The following ALMS1 variants were observed in gnomAD, a reference collection of about 807,000 sequenced individuals.
ALMS1 encodes ALMS1 centrosome and basal body associated protein.
In ALMS1, 271 loss-of-function variants were observed where a neutral mutation model predicts 352.2. The ratio of observed to expected loss-of-function variants is 0.77; its 90% CI spans 0.70 to 0.85. ALMS1 has a LOEUF of 0.85. Among genes scored for constraint, ALMS1 ranks in the 40% least tolerant of loss-of-function variants. The pLI is 0.00. For missense variants in ALMS1, 5,445 were observed against 4,870.7 expected (o/e 1.12, Z -3.51); for synonymous variants, 1,865 against 1,761.2 (o/e 1.06, Z -1.48).
chr2:73,580,856 G>A (rs1211039992), intron 16 of ALMS1, among the ~76,000 whole-genome samples: 1 of 152,192 alleles, frequency 6.6e-6, no homozygotes, highest in Non-Finnish European at 1.5e-5. Context: ...CTACTTGTTT[G>A]ATAGAGATTT....
At chr2:73,430,944 CT>C (rs1169771937) in intron 6 of ALMS1, among the ~76,000 whole-genome samples, 1 of 151,840 alleles carries the variant, frequency 6.6e-6, no homozygotes, top group African/African-American at 2.4e-5. Context: ...TATATATAGC[CT>C]GTACTTCAGA....
chr2:73,456,640 GATATAGTTTATTTGGATTATCTCA>G (rs1230734135), intron 9 of ALMS1: 1 of 152,124 alleles, frequency 6.6e-6, no homozygotes, highest in Non-Finnish European at 1.5e-5. Context: ...ATTCTCCAGT[GATATAGTTTATTTGGATTATCTCA>G]ATTTTGGAAA....
intron 9 of ALMS1, chr2:73,471,089 A>G (rs1672456234): frequency 6.6e-6 from 1 of 151,828 alleles, no homozygotes; most frequent in Non-Finnish European, 1.5e-5. Context: ...CTCCATTTAC[A>G]TTAAAGTAAT....
intron 9 of ALMS1, among the ~76,000 whole-genome samples, chr2:73,460,470 G>A (rs1206045240): frequency 6.6e-6 from 1 of 152,158 alleles, no homozygotes; most frequent in Non-Finnish European, 1.5e-5. Context: ...GAGCCAAGAT[G>A]GCCAAATAGG....
At chr2:73,531,376 T>C (rs1432753625) in intron 11 of ALMS1, among the ~76,000 whole-genome samples, 1 of 152,244 alleles carries the variant, frequency 6.6e-6, no homozygotes, top group Admixed American at 6.5e-5. Context: ...GCTGCCAGTC[T>C]CTTTGCTAAT....
chr2:73,607,802 C>T (rs1051934652), intron 21 of ALMS1, among the ~76,000 whole-genome samples: 11 of 151,154 alleles, frequency 7.3e-5, no homozygotes, highest in Admixed American at 3.3e-4. Flanking sequence ...TGCCACCATG[C>T]CCACCTAATT....
intron 3 of ALMS1, among the ~76,000 whole-genome samples, chr2:73,422,323 G>A (rs1312054570): frequency 2.0e-5 from 3 of 151,928 alleles, no homozygotes. Context: ...TGAGAGAATG[G>A]GAGTGAATAA....
Position 73,424,726 on chromosome 2 carries a change from C to T in ALMS1, c.1061C>T (p.Thr354Ile), listed in dbSNP as rs370726988. The T allele has an allele frequency of 1.2e-5, 19 of 1,613,920 alleles. No homozygotes were observed. In the African/African-American group the frequency reaches 2.4e-4, roughly 20 times the overall value. ...ATGTCATGGAAGACACGAAAAGATA[C>T]ACAGTGGCCTGAAAACAATTTAGCT... ...SYMSWKTRKD[T>I]QWPENNLADK... The change falls in exon 5 of 23, where the codon ACA (threonine) becomes ATA (isoleucine). Residue 354 changes from threonine to isoleucine, a missense_variant. Physicochemically the swap from Thr to Ile is moderately conservative, Grantham distance 89. Coordinates refer to ENST00000613296, the MANE Select transcript of ALMS1 (RefSeq NM_001378454.1).
chr2:73,569,181 A>G (rs1422450870), intron 15 of ALMS1, among the ~76,000 whole-genome samples: 1 of 151,380 alleles, frequency 6.6e-6, no homozygotes, highest in Non-Finnish European at 1.5e-5. Flanking sequence ...CACCTGGCTA[A>G]TTTTTGTATT....
At position 73,432,279 on chromosome 2, in the gene ALMS1, C is replaced by A. The variant is rs200454461; in HGVS notation, c.1420C>A (p.His474Asn). ...TGACACTGTGCCAAAGGCTCCTAAACATTTAAAAGCAGGTACGTAGAAAAA... is the reference window on the plus strand; with the variant it reads ...TGACACTGTGCCAAAGGCTCCTAAAAATTTAAAAGCAGGTACGTAGAAAAA... ...SPDTVPKAPK[H>N]LKAGDTSKGG... Residue 474 changes from histidine (H) to asparagine (N), a missense_variant, in exon 7 of 23, where the codon CAT becomes AAT. Coordinates refer to ENST00000613296, the MANE Select transcript of ALMS1 (RefSeq NM_001378454.1). 147 of 1,609,806 alleles carry A rather than the reference C, an allele frequency of 9.1e-5. 1 individual carries two copies. Among genetic ancestry groups the A allele is most frequent in the South Asian group, 5.7e-4 (52 of 90,980 alleles).
chr2:73,498,053 A>G (rs1264789080), intron 10 of ALMS1, among the ~76,000 whole-genome samples: 2 of 152,164 alleles, frequency 1.3e-5, no homozygotes, highest in Non-Finnish European at 2.9e-5. Flanking sequence ...TGTTTACACT[A>G]TACTGTACTC....
Position 73,450,148 on chromosome 2 carries a change from A to G in ALMS1, c.3621A>G (p.Pro1207=). 1.9e-6 allele frequency: 3 copies of G among 1,614,116 alleles called. No individual in the cohort carries two copies. The highest frequency in any genetic ancestry group is 2.5e-6 in the Non-Finnish European group (3 of 1,179,984). Reference sequence around the variant, plus strand: ...GTATTTTCTATCAACAGACCTTGCCAGGTAGTCACATACCTGAAGAGGCAC... The same window carrying G: ...GTATTTTCTATCAACAGACCTTGCCGGGTAGTCACATACCTGAAGAGGCAC... ...KPGIFYQQTL[P]GSHIPEEAQK... Residue 1207 remains proline, a synonymous_variant, in exon 8 of 23, where the codon CCA becomes CCG. Transcript: ENST00000613296.
intron 12 of ALMS1, among the ~76,000 whole-genome samples, chr2:73,537,755 C>T (rs963149877): frequency 6.6e-6 from 1 of 152,114 alleles, no homozygotes; most frequent in Non-Finnish European, 1.5e-5. Context: ...GCCTGTAATG[C>T]CAGCACTTTG....
intron 9 of ALMS1, 89 bp from the exon 10 acceptor site, chr2:73,489,545 G>A (rs1221161800): frequency 1.5e-5 from 21 of 1,442,712 alleles, no homozygotes; most frequent in Middle Eastern, 1.8e-4. Context: ...TAATCTTAGC[G>A]TGGGTATAAA....
Position 73,450,222 on chromosome 2 carries a change from C to T in ALMS1, c.3695C>T (p.Pro1232Leu), listed in dbSNP as rs1477719339. The change falls in exon 8 of 23, where the codon CCA becomes CTA. Residue 1232 changes from proline (P) to leucine (L), a missense_variant. Transcript: ENST00000613296. ...CCAGCTGACCAGAAGACTGGGACAC[C>T]AACTCCAACCTCTGCTTCTTACTCA... The part of the protein sequence containing the change: ...LGPADQKTGT[P>L]TPTSASYSHT... 3 of 1,614,028 alleles carry T rather than the reference C, an allele frequency of 1.9e-6. No homozygotes were observed. Among genetic ancestry groups the T allele is most frequent in the African/African-American group, 1.3e-5 (1 of 74,992 alleles).
At chr2:73,499,948 G>A (rs1673186992) in intron 10 of ALMS1, among the ~76,000 whole-genome samples, 1 of 152,158 alleles carries the variant, frequency 6.6e-6, no homozygotes, top group African/African-American at 2.4e-5. Context: ...GAAGCTTCCT[G>A]AGTTCCTCAC....
intron 9 of ALMS1, among the ~76,000 whole-genome samples, chr2:73,461,931 G>C (rs1332794690): frequency 6.6e-6 from 1 of 152,070 alleles, no homozygotes; most frequent in Non-Finnish European, 1.5e-5. Flanking sequence ...AACGAACAAA[G>C]CCTCCAAGAA....
rs1260375872 is a variant in ALMS1, at chr2:73,432,186, G to T, written c.1339-12G>T. 2.5e-6 allele frequency: 4 copies of T among 1,601,154 alleles called. No individual in the cohort carries two copies. The highest frequency in any genetic ancestry group is 1.3e-5 in the African/African-American group (1 of 74,586). ...TTTTTCATTTTTATTGCCTTCATTTGTTCCACATAAGCCAACAAGAGAGTC... is the reference window on the plus strand; with the variant it reads ...TTTTTCATTTTTATTGCCTTCATTTTTTCCACATAAGCCAACAAGAGAGTC... On this transcript the variant is annotated splice_polypyrimidine_tract_variant and intron_variant, in intron 6 of 22. Transcript: ENST00000613296.
intron 15 of ALMS1, among the ~76,000 whole-genome samples, chr2:73,565,788 A>G (rs1051303951): frequency 6.6e-6 from 1 of 152,214 alleles, no homozygotes; most frequent in African/African-American, 2.4e-5. Context: ...TAATGAGAAA[A>G]ACATGAGACA....
Sources: gnomAD v4.1 joint callset for allele counts (sites outside exome capture counted in the v4.1 genomes callset) on GRCh38, gnomAD v4.1.1 for gene constraint, MANE v1.5 for transcripts, NCBI Gene and HGNC (gene_info 2026-07-23, HGNC 2026-07-21) for gene names.